RANBP2: variants seen among roughly 807,000 people sequenced by gnomAD.
RANBP2 encodes E3 SUMO-protein ligase RanBP2.
In RANBP2, 57 loss-of-function variants were observed where a neutral mutation model predicts 303.6. The observed-to-expected ratio is 0.19, with a 90% confidence interval of 0.15 to 0.23. The LOEUF (loss-of-function observed/expected upper bound fraction) is 0.23, where lower values mean the gene tolerates loss of function less well. Among genes scored for constraint, RANBP2 ranks in the 10% least tolerant of loss-of-function variants. The pLI, the probability that RANBP2 is intolerant of heterozygous loss-of-function variation, is 1.00. For missense variants in RANBP2, 3,138 were observed against 3,780.8 expected, an observed-to-expected ratio of 0.83 and a Z score of 4.46; for synonymous variants, 1,167 against 1,301.5, an observed-to-expected ratio of 0.90 and a Z score of 2.23.
chr2:108,798,740 C>CACAG, the RANBP2 span, among the ~76,000 whole-genome samples: 1 of 124,148 alleles, frequency 8.1e-6, no homozygotes, highest in African/African-American at 2.9e-5. Context: ...CACACACACA[C>CACAG]TTTTTCTGAT....
At chr2:109,646,516 G>T in the RANBP2 span, among the ~76,000 whole-genome samples, 1 of 151,870 alleles carries the variant, frequency 6.6e-6, no homozygotes, top group Non-Finnish European at 1.5e-5. Flanking sequence ...TTTTGAGATG[G>T]AGTCTTGCTC....
chr2:109,595,313 CT>C, the RANBP2 span, among the ~76,000 whole-genome samples: 6 of 152,282 alleles, frequency 3.9e-5, no homozygotes, highest in African/African-American at 1.4e-4. Flanking sequence ...TTTTTACAAT[CT>C]AAAAGGCAAA....
chr2:109,341,552 G>A, the RANBP2 span, among the ~76,000 whole-genome samples: 1 of 152,196 alleles, frequency 6.6e-6, no homozygotes, highest in South Asian at 2.1e-4. Flanking sequence ...CAGAATATAA[G>A]CTGAGCTGTG....
the RANBP2 span, among the ~76,000 whole-genome samples, chr2:109,680,603 A>T: frequency 6.6e-6 from 1 of 152,210 alleles, no homozygotes; most frequent in Non-Finnish European, 1.5e-5. Context: ...AATAGTTAAC[A>T]ACCACTTATT....
the RANBP2 span, among the ~76,000 whole-genome samples, chr2:109,699,609 T>A: frequency 6.6e-6 from 1 of 152,180 alleles, no homozygotes; most frequent in Admixed American, 6.5e-5. Context: ...CAGATCATCA[T>A]AAAGGTCTTC....
chr2:109,420,387 C>T, the RANBP2 span, among the ~76,000 whole-genome samples: 2 of 152,114 alleles, frequency 1.3e-5, no homozygotes, highest in Non-Finnish European at 2.9e-5. Flanking sequence ...GTCAGAGGGA[C>T]ACTCAGAACC....
At chr2:109,455,513 CAT>C in the RANBP2 span, among the ~76,000 whole-genome samples, 3 of 121,710 alleles carry the variant, frequency 2.5e-5, no homozygotes, top group Non-Finnish European at 3.6e-5. Flanking sequence ...ATGTATATCT[CAT>C]ATATGTGTGT....
At chr2:109,678,535 C>G in the RANBP2 span, among the ~76,000 whole-genome samples, 1 of 152,184 alleles carries the variant, frequency 6.6e-6, no homozygotes, top group African/African-American at 2.4e-5. Context: ...ACCAGCTTAG[C>G]CCAGAAAGAA....
the RANBP2 span, among the ~76,000 whole-genome samples, chr2:109,134,209 C>G: frequency 6.5e-4 from 99 of 152,234 alleles, 1 homozygote; most frequent in Non-Finnish European, 2.2e-4. Flanking sequence ...GATATTTGGG[C>G]AAGTCAGAGA....
the RANBP2 span, among the ~76,000 whole-genome samples, chr2:109,646,399 C>T: frequency 5.3e-5 from 8 of 152,126 alleles, no homozygotes; most frequent in Non-Finnish European, 1.0e-4. Flanking sequence ...TGCAGACAGG[C>T]TCTGACTGCA....
At chr2:108,797,233 G>A in the RANBP2 span, among the ~76,000 whole-genome samples, 1 of 152,186 alleles carries the variant, frequency 6.6e-6, no homozygotes, top group South Asian at 2.1e-4. Context: ...AGTGACAGTA[G>A]AGGAAGCAGA....
chr2:109,078,085 TATATATATA>T, the RANBP2 span, among the ~76,000 whole-genome samples: 489 of 11,428 alleles, frequency 0.043, 16 homozygotes, highest in African/African-American at 0.078. Flanking sequence ...TGAATATATA[TATATATATA>T]TATATATATA....
the RANBP2 span, among the ~76,000 whole-genome samples, chr2:109,232,586 C>A: frequency 2.0e-5 from 3 of 152,130 alleles, no homozygotes; most frequent in Non-Finnish European, 4.4e-5. Flanking sequence ...TAAAAGGAGA[C>A]CAACTGTGAG....
In RANBP2 at chr2:108,784,719, G is replaced by T. The variant is rs1325238602; in HGVS notation, c.*818G>T. On this transcript the variant is annotated 3_prime_UTR_variant, in exon 29 of 29. Coordinates refer to ENST00000283195, the MANE Select transcript of RANBP2 (RefSeq NM_006267.5). ...TACCATGTTCTTTCGTTAAAGATTT[G>T]CTTTATACAAGATTGTTGCAGTACC... 6.6e-6 allele frequency: 1 copy of T among 152,560 alleles called. No individual in the cohort carries two copies. Among genetic ancestry groups the T allele is most frequent in the Non-Finnish European group, 1.5e-5 (1 of 68,032 alleles). 9.5% of individuals were successfully genotyped at this position (152,560 alleles called of 1,614,324 possible).
chr2:109,167,611 A>C, the RANBP2 span, among the ~76,000 whole-genome samples: 1 of 152,108 alleles, frequency 6.6e-6, no homozygotes, highest in African/African-American at 2.4e-5. Context: ...TTGCTCTGTC[A>C]CCCAGGCTGG....
chr2:108,996,831 G>A, the RANBP2 span, among the ~76,000 whole-genome samples: 4 of 152,170 alleles, frequency 2.6e-5, no homozygotes, highest in South Asian at 8.3e-4. Context: ...CCTGCCAGCA[G>A]TGACTCAGAA....
the RANBP2 span, among the ~76,000 whole-genome samples, chr2:109,365,197 C>T: frequency 4.6e-4 from 70 of 152,286 alleles, no homozygotes; most frequent in African/African-American, 1.5e-3. Flanking sequence ...GCCAGAAGCA[C>T]GAGTGGATTT....
At chr2:109,666,066 A>G in the RANBP2 span, among the ~76,000 whole-genome samples, 10 of 151,936 alleles carry the variant, frequency 6.6e-5, no homozygotes, top group Admixed American at 6.6e-4. Context: ...AGCCAAGATC[A>G]TGCCATTGCA....
chr2:109,461,182 T>C, the RANBP2 span, among the ~76,000 whole-genome samples: 1 of 152,254 alleles, frequency 6.6e-6, no homozygotes, highest in South Asian at 2.1e-4. Context: ...CATGGAATGC[T>C]GCTGTGCACG....
Sources: gnomAD v4.1 joint callset for allele counts (sites outside exome capture counted in the v4.1 genomes callset) on GRCh38, gnomAD v4.1.1 for gene constraint, MANE v1.5 for transcripts, NCBI Gene and HGNC (gene_info 2026-07-23, HGNC 2026-07-21) for gene names.